ARMC3: variants seen among roughly 807,000 people sequenced by gnomAD.
ARMC3 encodes armadillo repeat containing 3, also known as armadillo repeat-containing protein 3.
Under a neutral mutation model 90.3 loss-of-function variants are expected in ARMC3, and 74 were observed. That is an observed-to-expected ratio of 0.82 (90% CI 0.68 to 0.99). The LOEUF (loss-of-function observed/expected upper bound fraction) is 0.99, where lower values mean the gene tolerates loss of function less well. ARMC3 is among the 50% of genes least tolerant of loss of function. The pLI is 0.00. For missense variants in ARMC3, 958 were observed against 1,042.8 expected, an observed-to-expected ratio of 0.92 and a Z score of 1.12; for synonymous variants, 334 against 361.8, an observed-to-expected ratio of 0.92 and a Z score of 0.87.
intron 10 of ARMC3, among the ~76,000 whole-genome samples, chr10:22,989,957 A>G (rs531705288): frequency 3.3e-5 from 5 of 152,350 alleles, no homozygotes; most frequent in African/African-American, 1.2e-4. Flanking sequence ...GACCTTGACT[A>G]ACAGTTTGAA....
chr10:22,971,650 A>G (rs1835689111), intron 8 of ARMC3, among the ~76,000 whole-genome samples: 1 of 152,092 alleles, frequency 6.6e-6, no homozygotes. Context: ...CATGTTAGCC[A>G]AGCTGGTCTT....
Position 23,002,230 on chromosome 10 carries a change from G to A in ARMC3, c.1562+175G>A, listed in dbSNP as rs374825733. Among the ~76,000 whole-genome samples, 18 of 152,304 alleles carry A rather than the reference G, an allele frequency of 1.2e-4. 1 individual carries two copies. The highest frequency in any genetic ancestry group is 3.4e-3 in the Middle Eastern group (1 of 294). On this transcript the variant is annotated intron_variant, in intron 12 of 18. Transcript: ENST00000298032. ...GGAAGGAACCACCTGGAGGCAAGGG[G>A]GTCCCGATTCACCGCTCCCTCACTG...
chr10:23,015,805 CA>C (rs1470211437), intron 16 of ARMC3, among the ~76,000 whole-genome samples: 2 of 152,166 alleles, frequency 1.3e-5, no homozygotes, highest in African/African-American at 4.8e-5. Flanking sequence ...CTTTCAGAAA[CA>C]GATATTGTCT....
chr10:22,948,007 G>GT (rs1008883379), intron 3 of ARMC3, among the ~76,000 whole-genome samples: 3 of 151,726 alleles, frequency 2.0e-5, no homozygotes, highest in South Asian at 2.1e-4. Context: ...AACTAAACTG[G>GT]TTTTTTTTAA....
chr10:23,004,915 T>G (rs1837502675), intron 13 of ARMC3, among the ~76,000 whole-genome samples: 1 of 152,016 alleles, frequency 6.6e-6, no homozygotes, highest in African/African-American at 2.4e-5. Flanking sequence ...ACAAAGCTGT[T>G]TTAAGAAAAC....
chr10:23,002,058 G>A lies in ARMC3; in HGVS notation c.1562+3G>A, dbSNP rs1443275031. 5.0e-6 allele frequency: 8 copies of A among 1,612,966 alleles called. No individual in the cohort carries two copies. Among genetic ancestry groups the A allele is most frequent in the Non-Finnish European group, 5.9e-6 (7 of 1,179,504 alleles). On this transcript the variant is annotated splice_donor_region_variant and intron_variant, in intron 12 of 18. Transcript: ENST00000298032. The stretch of plus-strand genomic sequence containing the variant: ...GCCAATGAATTATGCAGGCTCGGGT[G>A]AGTGGATGCCATCTCAAGTTTCTGG...
chr10:23,030,766 A>C lies in ARMC3; in HGVS notation c.2216A>C (p.Asn739Thr), dbSNP rs762798215. The C allele has an allele frequency of 1.9e-6, 3 of 1,613,524 alleles. No homozygotes were observed. The African/African-American group carries it at 4.0e-5, about 22-fold the overall frequency. ...ACCAAATCAATACTGCCAATAACCAATATTAAGGAACAGATTGAGGATCTG... is the reference window on the plus strand; with the variant it reads ...ACCAAATCAATACTGCCAATAACCACTATTAAGGAACAGATTGAGGATCTG... The part of the protein sequence containing the change: ...EVTKSILPIT[N>T]IKEQIEDLAK... Residue 739 changes from asparagine (N) to threonine (T), a missense_variant, in exon 17 of 19, where the codon AAT becomes ACT. Asn to Thr is a moderately conservative substitution (Grantham distance 65, BLOSUM62 0). Coordinates refer to ENST00000298032, the MANE Select transcript of ARMC3 (RefSeq NM_173081.5).
intron 8 of ARMC3, among the ~76,000 whole-genome samples, chr10:22,974,431 TTA>T (rs1329026355): frequency 6.6e-6 from 1 of 152,204 alleles, no homozygotes; most frequent in Non-Finnish European, 1.5e-5. Context: ...ACATCATGTT[TTA>T]TGTTTTATGC....
chr10:22,968,372 A>G lies in ARMC3; in HGVS notation c.799A>G (p.Met267Val), dbSNP rs2131290470. 3.1e-6 allele frequency: 5 copies of G among 1,614,064 alleles called. No individual in the cohort carries two copies. The highest frequency in any genetic ancestry group is 4.2e-6 in the Non-Finnish European group (5 of 1,179,948). The change falls in exon 8 of 19, where the codon ATG becomes GTG. Residue 267 changes from methionine (M) to valine (V), a missense_variant. Physicochemically the swap from Met to Val is conservative, Grantham distance 21. Coordinates refer to ENST00000298032, the MANE Select transcript of ARMC3 (RefSeq NM_173081.5). ...IANCLEDMDTMVQIQQTGGLK... is the reference protein window; with the variant it reads ...IANCLEDMDTVVQIQQTGGLK... ...CAATTGCCTTGAAGACATGGATACT[A>G]TGGTGCAGATTCAGCAGACAGGGGG... is the stretch of plus-strand genomic sequence containing the variant.
At chr10:23,014,914 AT>A (rs1277545232) in intron 16 of ARMC3, among the ~76,000 whole-genome samples, 2 of 150,068 alleles carry the variant, frequency 1.3e-5, no homozygotes, top group African/African-American at 4.9e-5. Flanking sequence ...AAAAAACCCC[AT>A]GACACAAATT....
At chr10:22,940,272 G>A (rs10828378) in intron 2 of ARMC3, among the ~76,000 whole-genome samples, 55,465 of 151,936 alleles carry the variant, frequency 0.37, 11,512 homozygotes, top group African/African-American at 0.56. Context: ...GATACATGAT[G>A]GCAAAAAAGG....
chr10:22,975,051 A>G (rs1183444724), intron 8 of ARMC3, among the ~76,000 whole-genome samples: 2 of 152,204 alleles, frequency 1.3e-5, no homozygotes, highest in African/African-American at 4.8e-5. Context: ...AATTTCTCAT[A>G]ATAAAGCTTA....
At chr10:22,933,891 C>T (rs543108975) in intron 2 of ARMC3, among the ~76,000 whole-genome samples, 175 of 152,172 alleles carry the variant, frequency 1.2e-3, no homozygotes, top group African/African-American at 3.8e-3. Context: ...TCTCAAAAAA[C>T]AAACCAACCA....
chr10:23,015,045 A>G (rs1298958765), intron 16 of ARMC3, among the ~76,000 whole-genome samples: 1 of 152,210 alleles, frequency 6.6e-6, no homozygotes, highest in Non-Finnish European at 1.5e-5. Context: ...TGACAGAATA[A>G]TGAGACATCG....
chr10:22,946,377 A>T (rs751023830), intron 3 of ARMC3, 116 bp downstream of exon 3: 18 of 656,000 alleles, frequency 2.7e-5, no homozygotes, highest in Non-Finnish European at 3.9e-5. Context: ...GAATTATTTC[A>T]GACAACCAGG....
intron 8 of ARMC3, among the ~76,000 whole-genome samples, chr10:22,969,971 C>T (rs1039276819): frequency 6.6e-6 from 1 of 152,088 alleles, no homozygotes; most frequent in Non-Finnish European, 1.5e-5. Flanking sequence ...CCACTACTGG[C>T]ATTGTAACGA....
intron 2 of ARMC3, 106 bp downstream of exon 2, chr10:22,932,150 A>G: frequency 1.3e-6 from 1 of 793,604 alleles, no homozygotes; most frequent in Admixed American, 3.4e-5. Flanking sequence ...ACGCGGTGGC[A>G]GAAGTCCAAA....
At chr10:22,970,385 G>A (rs144557063) in intron 8 of ARMC3, among the ~76,000 whole-genome samples, 5 of 152,292 alleles carry the variant, frequency 3.3e-5, no homozygotes, top group Admixed American at 6.5e-5. Context: ...AACACTGAGC[G>A]CTCAGGCTAT....
At chr10:22,987,960 T>C (rs911556811) in intron 10 of ARMC3, among the ~76,000 whole-genome samples, 1 of 152,188 alleles carries the variant, frequency 6.6e-6, no homozygotes, top group Non-Finnish European at 1.5e-5. Context: ...CTTGCTGTTG[T>C]GTTCCCTATG....
Sources: allele counts gnomAD v4.1 joint callset (sites outside exome capture counted in the v4.1 genomes callset), GRCh38; gene constraint gnomAD v4.1.1; transcripts MANE v1.5; gene names NCBI Gene and HGNC (gene_info 2026-07-23, HGNC 2026-07-21).